CCDC66: variants seen among roughly 807,000 people sequenced by gnomAD.
CCDC66 encodes the protein coiled-coil domain containing 66, also known as coiled-coil domain-containing protein 66.
CCDC66 carries 133 observed loss-of-function variants against 128.3 expected under a neutral mutation model. The observed-to-expected ratio is 1.04, with a 90% CI of 0.90 to 1.20. The LOEUF is 1.20. CCDC66 is among the 50% of genes most tolerant of loss of function. The probability of loss-of-function intolerance (pLI) is 0.00; values close to 1 mark genes in which losing one functional copy is unlikely to be tolerated. For synonymous variants in CCDC66, 387 were observed against 357.0 expected, an observed-to-expected ratio of 1.08 and a Z score of -0.95; for missense variants, 1,126 against 1,075.5, an observed-to-expected ratio of 1.05 and a Z score of -0.66.
At chr3:56,566,413 C>T (rs1017471996) in intron 4 of CCDC66, among the ~76,000 whole-genome samples, 181 bp from the exon 5 acceptor site, 10 of 152,200 alleles carry the variant, frequency 6.6e-5, no homozygotes, top group Admixed American at 4.6e-4. Flanking sequence ...GTGTGAGCCA[C>T]CACTCCCTGC....
intron 4 of CCDC66, among the ~76,000 whole-genome samples, 194 bp from the exon 5 acceptor site, chr3:56,566,400 C>T (rs892930240): frequency 4.6e-5 from 7 of 152,194 alleles, no homozygotes; most frequent in African/African-American, 1.4e-4. Flanking sequence ...TCTGGGACTA[C>T]AGGTGTGAGC....
chr3:56,598,145 TTTTGTTTTGTTTGTTTGTTTG>T (rs1362158420), intron 10 of CCDC66, among the ~76,000 whole-genome samples: 1 of 114,756 alleles, frequency 8.7e-6, no homozygotes, highest in Non-Finnish European at 1.7e-5. Flanking sequence ...GTTTGTTTTG[TTTTGTTTTGTTTGTTTGTTTG>T]TTTGTTTGTT....
chr3:56,561,702 C>T (rs2065120788), intron 3 of CCDC66, among the ~76,000 whole-genome samples: 1 of 152,172 alleles, frequency 6.6e-6, no homozygotes, highest in South Asian at 2.1e-4. Context: ...ACTATAAACA[C>T]CAAAATCAGT....
At chr3:56,621,000 A>AAGTTAGTTAGTT (rs112632967) in intron 17 of CCDC66, 20,345 of 150,374 alleles carry the variant, frequency 0.14, 2,163 homozygotes, top group East Asian at 0.3. Flanking sequence ...AAAATACAAA[A>AAGTTAGTTAGTT]AGTTAGTTAG....
rs753996103 is a variant in CCDC66 at position 56,593,126 on chromosome 3, T to C, written c.1068+25T>C. 27 of 1,515,288 alleles carry C rather than the reference T, an allele frequency of 1.8e-5. 1 individual carries two copies. In the South Asian group the frequency reaches 3.3e-4, roughly 19 times the overall value. 93.9% of individuals were successfully genotyped at this position (1,515,288 alleles called of 1,614,324 possible). A position where few individuals can be genotyped will look rare whatever the true frequency, so the allele number is the denominator to read the frequency against. Reference sequence around the variant, plus strand: ...GGTAACTTATGAGGTTTTGTGGCTATAAAAGAAAAAATAAAATCAAAGTCT... The same window carrying C: ...GGTAACTTATGAGGTTTTGTGGCTACAAAAGAAAAAATAAAATCAAAGTCT... On this transcript the variant is annotated intron_variant, in intron 8 of 17. Transcript: ENST00000394672.
chr3:56,612,359 T>G (rs2074958031), intron 10 of CCDC66, among the ~76,000 whole-genome samples: 1 of 152,172 alleles, frequency 6.6e-6, no homozygotes, highest in Non-Finnish European at 1.5e-5. Context: ...GGTAAAGTTT[T>G]GTTGTGAACG....
Position 56,574,965 on chromosome 3 carries a change from T to A in CCDC66, c.936+3663T>A, listed in dbSNP as rs1483465701. On this transcript the variant is annotated intron_variant, in intron 7 of 17. Coordinates refer to ENST00000394672, the MANE Select transcript of CCDC66 (RefSeq NM_001141947.3). ...CATGGATAGAAATTTGGATTGTTTC[T>A]ACCTTTTGGCTATTGGGAATAATGC... 2.6e-5 allele frequency among the ~76,000 whole-genome samples: 4 copies of A among 152,020 alleles called. 1 individual carries two copies. In the East Asian group the frequency reaches 7.9e-4, roughly 30 times the overall value.
intron 15 of CCDC66, 82 bp downstream of exon 15, chr3:56,618,294 T>G: frequency 8.4e-7 from 1 of 1,189,758 alleles, no homozygotes; most frequent in East Asian, 2.3e-5. Context: ...CTGGACAGCA[T>G]CATATGGTAT....
chr3:56,584,187 CGGGCGG>C (rs1577528345), intron 7 of CCDC66, among the ~76,000 whole-genome samples: 1 of 147,384 alleles, frequency 6.8e-6, no homozygotes, highest in East Asian at 2.1e-4. Flanking sequence ...GGGCGGCTGC[CGGGCGG>C]AGACGCTCCT....
At position 56,580,721 on chromosome 3, in the gene CCDC66, A is replaced by G. The variant is rs1421058468; in HGVS notation, c.936+9419A>G. Among the ~76,000 whole-genome samples, 3 of 151,876 alleles carry G rather than the reference A, an allele frequency of 2.0e-5. No homozygotes were observed. The East Asian group carries it at 5.9e-4, about 30-fold the overall frequency. ...TGGGTTGAAAATTCTTTTCTTTAAG[A>G]ATGTTGAATATTGGCCCCCACTGTC... On this transcript the variant is annotated intron_variant, in intron 7 of 17. Transcript: ENST00000394672.
intron 8 of CCDC66, 47 bp downstream of exon 8, chr3:56,593,148 G>A: frequency 7.1e-7 from 1 of 1,415,122 alleles, no homozygotes; most frequent in Non-Finnish European, 9.6e-7. Context: ...TAAAATCAAA[G>A]TCTTTAATCA....
intron 16 of CCDC66, 22 bp downstream of exon 16, chr3:56,619,549 T>C (rs764699866): frequency 6.4e-7 from 1 of 1,567,224 alleles, no homozygotes; most frequent in Non-Finnish European, 8.6e-7. Context: ...TTAAGCATTC[T>C]AACTGTAAAA....
At chr3:56,599,074 TA>T (rs2072669963) in intron 10 of CCDC66, among the ~76,000 whole-genome samples, 1 of 152,068 alleles carries the variant, frequency 6.6e-6, no homozygotes, top group African/African-American at 2.4e-5. Context: ...GAGACTTTTT[TA>T]TTACCAATTC....
Position 56,619,766 on chromosome 3 carries a change from T to C in CCDC66, c.2636-11T>C, listed in dbSNP as rs199527420. On this transcript the variant is annotated splice_polypyrimidine_tract_variant and intron_variant, in intron 16 of 17. Coordinates refer to ENST00000394672, the MANE Select transcript of CCDC66 (RefSeq NM_001141947.3). ...GTAATTGACTGACTTGTTACTTTCA[T>C]CTGGCTTTAGACTGTGGCCAAAAAC... is the stretch of plus-strand genomic sequence containing the variant. 1 of 1,612,984 alleles carries C rather than the reference T, an allele frequency of 6.2e-7. No homozygotes were observed. Among genetic ancestry groups the C allele is most frequent in the East Asian group, 2.2e-5 (1 of 44,852 alleles).
At chr3:56,619,224 A>G in intron 15 of CCDC66, 47 bp from the exon 16 acceptor site, 2 of 1,371,048 alleles carry the variant, frequency 1.5e-6, no homozygotes, top group Non-Finnish European at 2.0e-6. Flanking sequence ...TTAAAGAGAT[A>G]TACTTAATCT....
At position 56,617,554 on chromosome 3, in the gene CCDC66, TTCATC is replaced by T. The variant is rs1336000638; in HGVS notation, c.2292_2296del (p.His765ArgfsTer55). On this transcript the variant is annotated frameshift_variant, in exon 14 of 18. Transcript: ENST00000394672. LOFTEE classifies it high-confidence loss of function. Reference sequence around the variant, plus strand: ...GAGGCATTTCACCAGAAATTTTTCATTCATCTCATCAAGAAACGGAGTCAAAGTTG... The same window carrying T: ...GAGGCATTTCACCAGAAATTTTTCATTCATCAAGAAACGGAGTCAAAGTTG... The T allele has an allele frequency of 6.8e-6, 11 of 1,610,018 alleles. 1 individual carries two copies. In the South Asian group the frequency reaches 8.9e-5, roughly 13 times the overall value.
chr3:56,605,138 C>T (rs548842786), intron 10 of CCDC66, among the ~76,000 whole-genome samples: 8 of 152,190 alleles, frequency 5.3e-5, no homozygotes, highest in African/African-American at 1.7e-4. Context: ...TTATGTTCTT[C>T]TCTAAACGGT....
intron 10 of CCDC66, among the ~76,000 whole-genome samples, chr3:56,613,127 G>A (rs2075069101): frequency 6.6e-6 from 1 of 152,140 alleles, no homozygotes; most frequent in African/African-American, 2.4e-5. Flanking sequence ...TCAAAATAGT[G>A]CCATGCTACA....
intron 7 of CCDC66, among the ~76,000 whole-genome samples, chr3:56,575,712 T>A (rs2067262874): frequency 6.6e-6 from 1 of 151,904 alleles, no homozygotes; most frequent in Non-Finnish European, 1.5e-5. Context: ...TAGTTCTAGC[T>A]CTTATGTTTA....
Sources: gnomAD v4.1 joint callset for allele counts (sites outside exome capture counted in the v4.1 genomes callset) on GRCh38, gnomAD v4.1.1 for gene constraint, MANE v1.5 for transcripts, NCBI Gene and HGNC (gene_info 2026-07-23, HGNC 2026-07-21) for gene names.